Variants in PDE1C observed in about 807,000 individuals in gnomAD.
PDE1C encodes the protein dual specificity calcium/calmodulin-dependent 3',5'-cyclic nucleotide phosphodiesterase 1C.
PDE1C carries 62 observed loss-of-function variants against 93.1 expected under a neutral mutation model. The observed-to-expected ratio is 0.67, with a 90% CI of 0.54 to 0.82. PDE1C has a LOEUF of 0.82. Among genes scored for constraint, PDE1C ranks in the 40% least tolerant of loss-of-function variants. The pLI is 0.00. For synonymous variants in PDE1C, 325 were observed against 310.1 expected (o/e 1.05, Z -0.50); for missense variants, 742 against 884.6 (o/e 0.84, Z 2.04).
At chr7:32,160,796 C>G (rs1402538075) in intron 3 of PDE1C, among the ~76,000 whole-genome samples, 1 of 139,316 alleles carries the variant, frequency 7.2e-6, no homozygotes, top group Non-Finnish European at 1.6e-5. Flanking sequence ...GGTGACAGAG[C>G]AATACTCTGT....
At chr7:31,748,732 C>G (rs1355986601), downstream of PDE1C, among the ~76,000 whole-genome samples, 1 of 152,190 alleles carries the variant, frequency 6.6e-6, no homozygotes, top group East Asian at 1.9e-4. Flanking sequence ...GCTGACGGCA[C>G]TTGAGGCTAC....
intron 3 of PDE1C, among the ~76,000 whole-genome samples, chr7:32,163,928 T>G (rs531877375): frequency 6.4e-4 from 97 of 152,314 alleles, no homozygotes; most frequent in Non-Finnish European, 1.1e-3. Flanking sequence ...GGCTGTCACC[T>G]TCTTTGGCCC....
chr7:32,261,298 A>T (rs1810178411), intron 1 of PDE1C, among the ~76,000 whole-genome samples: 1 of 152,060 alleles, frequency 6.6e-6, no homozygotes, highest in Admixed American at 6.5e-5. Flanking sequence ...TAATCTAGCC[A>T]AACCAGTTCC....
intron 1 of PDE1C, among the ~76,000 whole-genome samples, chr7:32,289,920 G>A (rs1276840877): frequency 1.3e-5 from 2 of 152,212 alleles, no homozygotes; most frequent in African/African-American, 4.8e-5. Context: ...TTCCTGCAAT[G>A]TGGTTTCTTC....
chr7:32,115,133 T>C (rs1408009562), intron 3 of PDE1C, among the ~76,000 whole-genome samples: 1 of 152,216 alleles, frequency 6.6e-6, no homozygotes. Flanking sequence ...TAAAGGAATA[T>C]AAATCATTCT....
At chr7:32,005,995 AAG>A (rs1393027164) in intron 2 of PDE1C, among the ~76,000 whole-genome samples, 8 of 152,170 alleles carry the variant, frequency 5.3e-5, no homozygotes, top group Non-Finnish European at 1.0e-4. Flanking sequence ...TATTTTTTTC[AAG>A]AGTCACTTCT....
At chr7:32,206,333 C>A (rs191779190) in intron 2 of PDE1C, among the ~76,000 whole-genome samples, 1 of 152,252 alleles carries the variant, frequency 6.6e-6, no homozygotes, top group African/African-American at 2.4e-5. Context: ...GCGTTTTTCT[C>A]TAGGTCAGGT....
intron 1 of PDE1C, among the ~76,000 whole-genome samples, chr7:32,309,596 A>G (rs1813115915): frequency 1.3e-5 from 2 of 152,262 alleles, no homozygotes; most frequent in African/African-American, 4.8e-5. Context: ...GCCAATATTC[A>G]ACATTCTTAT....
intron 2 of PDE1C, among the ~76,000 whole-genome samples, chr7:32,015,718 C>T (rs1054907618): frequency 8.6e-5 from 13 of 151,772 alleles, no homozygotes; most frequent in African/African-American, 2.9e-4. Flanking sequence ...AGAAAAATGA[C>T]AAACTAGAGG....
the PDE1C span, among the ~76,000 whole-genome samples, chr7:31,631,211 T>G: frequency 0.12 from 18,294 of 152,174 alleles, 1,256 homozygotes; most frequent in Middle Eastern, 0.17. Context: ...ACCTATCAAT[T>G]GTTTTTTACA....
chr7:32,183,498 A>G (rs1281924130), intron 2 of PDE1C, among the ~76,000 whole-genome samples: 2 of 152,216 alleles, frequency 1.3e-5, no homozygotes, highest in African/African-American at 4.8e-5. Context: ...ATAATGCCGC[A>G]TATCTACAAC....
chr7:31,889,040 C>T (rs191346856), intron 2 of PDE1C, among the ~76,000 whole-genome samples: 2 of 152,288 alleles, frequency 1.3e-5, no homozygotes, highest in East Asian at 1.9e-4. Context: ...AGAATCCATG[C>T]TCATGAATTT....
At chr7:31,850,574 T>C in intron 8 of PDE1C, 67 bp downstream of exon 8, 1 of 1,070,538 alleles carries the variant, frequency 9.3e-7, no homozygotes, top group Non-Finnish European at 1.5e-6. Flanking sequence ...GACTAACACC[T>C]TTCTGATTTC....
At chr7:31,723,183 A>G in the PDE1C span, among the ~76,000 whole-genome samples, 2 of 152,192 alleles carry the variant, frequency 1.3e-5, no homozygotes, top group African/African-American at 2.4e-5. Flanking sequence ...AAAAATAAGC[A>G]TAGGATGATT....
At chr7:32,250,161 ACTGC>A (rs934192110) in intron 1 of PDE1C, among the ~76,000 whole-genome samples, 11 of 152,180 alleles carry the variant, frequency 7.2e-5, no homozygotes, top group Non-Finnish European at 1.6e-4. Flanking sequence ...TTTATTAGAC[ACTGC>A]CTGCCTGCCA....
intron 2 of PDE1C, among the ~76,000 whole-genome samples, chr7:31,974,028 A>G (rs1811313950): frequency 6.6e-6 from 1 of 152,170 alleles, no homozygotes; most frequent in Non-Finnish European, 1.5e-5. Context: ...GGATATTAGT[A>G]ACTCTCATTG....
chr7:31,795,594 T>A (rs1054726132), intron 16 of PDE1C, among the ~76,000 whole-genome samples: 2 of 151,886 alleles, frequency 1.3e-5, no homozygotes, highest in Non-Finnish European at 2.9e-5. Context: ...GAAAAGTTGT[T>A]CAGAAAGTCT....
At position 31,790,134 on chromosome 7, in the gene PDE1C, A is replaced by T. The variant is rs550281612; in HGVS notation, c.1892-14402T>A. ...GGGGGCTTGTGTTTGAAAGTTGTAC[A>T]CCTTCTCCAGATATGGGTCTTTGTG... is the stretch of plus-strand genomic sequence containing the variant. On this transcript the variant is annotated intron_variant, in intron 16 of 17. Coordinates refer to ENST00000396191, the MANE Select transcript of PDE1C (RefSeq NM_001191057.4). 4 of 1,582,668 alleles carry T rather than the reference A, an allele frequency of 2.5e-6. No individual in the cohort carries two copies. In the African/African-American group the frequency reaches 5.5e-5, roughly 22 times the overall value.
chr7:32,177,830 C>T (rs1803116489), intron 2 of PDE1C, among the ~76,000 whole-genome samples: 1 of 152,132 alleles, frequency 6.6e-6, no homozygotes, highest in African/African-American at 2.4e-5. Context: ...ATGTCAGTCA[C>T]CTCCTGATCT....
Sources: allele counts gnomAD v4.1 joint callset (sites outside exome capture counted in the v4.1 genomes callset), GRCh38; gene constraint gnomAD v4.1.1; transcripts MANE v1.5; gene names NCBI Gene and HGNC (gene_info 2026-07-23, HGNC 2026-07-21).